TMC6: variants seen among roughly 807,000 people sequenced by gnomAD.
The protein encoded by TMC6 is transmembrane channel like 6.
Under a neutral mutation model 95.4 loss-of-function variants are expected in TMC6, and 71 were observed. The observed-to-expected ratio is 0.74, with a 90% CI of 0.61 to 0.91. The LOEUF is 0.91. Ranked by LOEUF, TMC6 falls within the 40% of genes least tolerant of loss-of-function variation. The probability of loss-of-function intolerance (pLI) is 0.00; values close to 1 mark genes in which losing one functional copy is unlikely to be tolerated. For missense variants in TMC6, 1,074 were observed against 1,079.1 expected (o/e 1.00, Z 0.07); for synonymous variants, 514 against 483.1 (o/e 1.06, Z -0.84).
intron 19 of TMC6, 42 bp from the exon 20 acceptor site, chr17:78,113,253 A>T (rs1247867751): frequency 1.3e-6 from 2 of 1,540,482 alleles, no homozygotes; most frequent in Admixed American, 2.0e-5. Flanking sequence ...CATAAACATC[A>T]ACATCCCTGC....
At position 78,112,642 on chromosome 17, in the gene TMC6, C is replaced by T. The variant is rs1365475867; in HGVS notation, c.*506G>A. 1 of 182,612 alleles carries T rather than the reference C, an allele frequency of 5.5e-6. No individual in the cohort carries two copies. The highest frequency in any genetic ancestry group is 1.2e-5 in the Non-Finnish European group (1 of 85,850). 11.3% of individuals were successfully genotyped at this position (182,612 alleles called of 1,614,324 possible). On this transcript the variant is annotated 3_prime_UTR_variant, in exon 20 of 20. Coordinates refer to ENST00000590602, the MANE Select transcript of TMC6 (RefSeq NM_001127198.5). Reference sequence around the variant, plus strand: ...CTCCAGTAGATGCTACAGCATCACCCAATGGTTGACGCATCGCTCTGGTCA... The same window carrying T: ...CTCCAGTAGATGCTACAGCATCACCTAATGGTTGACGCATCGCTCTGGTCA...
chr17:78,131,472 GC>G, upstream of TMC6: 1 of 1,427,958 alleles, frequency 7.0e-7, no homozygotes, highest in Non-Finnish European at 9.5e-7. Context: ...GGAAGGGCCC[GC>G]CCCCAGCCCA....
Position 78,124,702 on chromosome 17 carries a change from C to T in TMC6, c.713G>A (p.Gly238Glu), listed in dbSNP as rs775291714. Residue 238 changes from glycine (G) to glutamate (E), a missense_variant, in exon 8 of 20, where the codon GGG becomes GAG. By Grantham distance (98) the Gly-to-Glu change is moderately conservative. Coordinates refer to ENST00000590602, the MANE Select transcript of TMC6 (RefSeq NM_001127198.5). ...GAGCACGCTGGAGCCGAACTGGCCC[C>T]CGATGCGCTTCAGGGCGTAGCGCCA... ...MPWRYALKRI[G>E]GQFGSSVLSY... The T allele has an allele frequency of 4.4e-6, 7 of 1,599,666 alleles. No homozygotes were observed. Among genetic ancestry groups the T allele is most frequent in the Non-Finnish European group, 6.0e-6 (7 of 1,173,634 alleles).
At chr17:78,127,423 A>T (rs1239637631) in intron 1 of TMC6, among the ~76,000 whole-genome samples, 1 of 152,144 alleles carries the variant, frequency 6.6e-6, no homozygotes, top group African/African-American at 2.4e-5. Context: ...CCACACACAG[A>T]GGTCACTCCA....
chr17:78,108,435 G>C lies in TMC6; in HGVS notation c.*4713C>G, dbSNP rs1046100339. 6.5e-6 allele frequency: 1 copy of C among 154,846 alleles called. No homozygotes were observed. Among genetic ancestry groups the C allele is most frequent in the Non-Finnish European group, 1.5e-5 (1 of 68,224 alleles). 9.6% of individuals were successfully genotyped at this position (154,846 alleles called of 1,614,324 possible). A position where few individuals can be genotyped will look rare whatever the true frequency, so the allele number is the denominator to read the frequency against. ...TGGAAGCGGCAACCCTCAGCTCTGC[G>C]CGGCCGAGCCTCAGCAAGAGTTCGT... On this transcript the variant is annotated 3_prime_UTR_variant, in exon 20 of 20. Transcript: ENST00000590602.
chr17:78,115,281 T>C (rs1396376531), intron 18 of TMC6, among the ~76,000 whole-genome samples: 2 of 152,174 alleles, frequency 1.3e-5, no homozygotes, highest in Non-Finnish European at 2.9e-5. Context: ...CACCCCGCCC[T>C]GCCCTCGCCT....
chr17:78,112,990 G>A lies in TMC6; in HGVS notation c.*158C>T. 1 of 784,128 alleles carries A rather than the reference G, an allele frequency of 1.3e-6. No homozygotes were observed. Among genetic ancestry groups the A allele is most frequent in the Non-Finnish European group, 2.1e-6 (1 of 477,160 alleles). 48.6% of individuals were successfully genotyped at this position (784,128 alleles called of 1,614,324 possible). On this transcript the variant is annotated 3_prime_UTR_variant, in exon 20 of 20. Transcript: ENST00000590602. The stretch of plus-strand genomic sequence containing the variant: ...GGCAGAGTTCATTGGGGATGCCCAA[G>A]CCGGATTCACCCACCCTTCCAGCTC...
upstream of TMC6, among the ~76,000 whole-genome samples, chr17:78,130,016 G>A (rs573029103): frequency 6.6e-6 from 1 of 152,290 alleles, no homozygotes; most frequent in East Asian, 1.9e-4. Context: ...GAAAAGCTAT[G>A]AACATTCAGA....
intron 18 of TMC6, among the ~76,000 whole-genome samples, chr17:78,115,631 G>A (rs1192255496): frequency 2.0e-5 from 3 of 146,730 alleles, no homozygotes; most frequent in Non-Finnish European, 4.5e-5. Flanking sequence ...GAAGGGAGTG[G>A]GCACAGGGGC....
chr17:78,131,803 T>C (rs931629139), upstream of TMC6: 1 of 1,523,062 alleles, frequency 6.6e-7, no homozygotes, highest in Non-Finnish European at 8.8e-7. Flanking sequence ...CGTCGGATGG[T>C]GTGGGAGCAC....
Position 78,109,275 on chromosome 17 carries a change from T to G in TMC6, c.*3873A>C. 1 of 358,066 alleles carries G rather than the reference T, an allele frequency of 2.8e-6. No individual in the cohort carries two copies. 22.2% of individuals were successfully genotyped at this position (358,066 alleles called of 1,614,324 possible). On this transcript the variant is annotated 3_prime_UTR_variant, in exon 20 of 20. Coordinates refer to ENST00000590602, the MANE Select transcript of TMC6 (RefSeq NM_001127198.5). ...CATCATGGCGAGCCCCGACTGAGTG[T>G]TCAGTGAAGAGGGAAAACAGAGACA...
In TMC6 at chr17:78,125,147, G is replaced by T; in HGVS notation, c.536+11C>A. ...AGCAGCGGCGGCATGGTCAGGGTCG[G>T]GGCTGCTCACCGCAGGCTGCGTTTC... On this transcript the variant is annotated intron_variant, in intron 6 of 19. Transcript: ENST00000590602. The T allele has an allele frequency of 6.4e-7, 1 of 1,556,016 alleles. No individual in the cohort carries two copies.
Position 78,120,845 on chromosome 17 carries a change from G to A in TMC6, c.1536-13C>T, listed in dbSNP as rs371778724. On this transcript the variant is annotated splice_polypyrimidine_tract_variant and intron_variant, in intron 12 of 19. Transcript: ENST00000590602. ...GAGGATGAGGTTCCTGCGGAGGGCG[G>A]GGTGCAAAGGCTGAGGGGCGGGTAC... 29 of 1,611,472 alleles carry A rather than the reference G, an allele frequency of 1.8e-5. No individual in the cohort carries two copies. In the African/African-American group the frequency reaches 3.2e-4, roughly 18 times the overall value.
chr17:78,130,523 G>A (rs1420666180), upstream of TMC6: 7 of 152,398 alleles, frequency 4.6e-5, no homozygotes, highest in Non-Finnish European at 8.8e-5. Context: ...TGGACCCTAG[G>A]GCTGCAGGAG....
In TMC6 at chr17:78,117,750, C is replaced by CA. The variant is rs548290517; in HGVS notation, c.2021+51dup. 4.4e-6 allele frequency: 7 copies of CA among 1,585,620 alleles called. No homozygotes were observed. In the Admixed American group the frequency reaches 1.2e-4, roughly 28 times the overall value. On this transcript the variant is annotated intron_variant, in intron 16 of 19. Coordinates refer to ENST00000590602, the MANE Select transcript of TMC6 (RefSeq NM_001127198.5). The stretch of plus-strand genomic sequence containing the variant: ...AAGCCTTGGGCCCCCCAGGCACCAC[C>CA]ACCCAACCCCCAGATGACACAGAAG...
In TMC6 at chr17:78,122,855, C is replaced by A; in HGVS notation, c.1083-106G>T. 2 of 1,508,612 alleles carry A rather than the reference C, an allele frequency of 1.3e-6. No individual in the cohort carries two copies. The highest frequency in any genetic ancestry group is 1.2e-5 in the South Asian group (1 of 83,144). 93.5% of individuals were successfully genotyped at this position (1,508,612 alleles called of 1,614,324 possible). A position where few individuals can be genotyped will look rare whatever the true frequency, so the allele number is the denominator to read the frequency against. ...GGGCAGCCAGACCCCACCACCCACT[C>A]AGGAGCCATCTGGGCCCTGACTGGG... On this transcript the variant is annotated intron_variant, in intron 9 of 19. Coordinates refer to ENST00000590602, the MANE Select transcript of TMC6 (RefSeq NM_001127198.5). The surrounding 1 kb of genome is among the most constrained non-coding windows in gnomAD (Gnocchi z 4.9).
chr17:78,117,206 G>T, intron 18 of TMC6, 63 bp downstream of exon 18: 1 of 1,549,602 alleles, frequency 6.5e-7, no homozygotes, highest in Non-Finnish European at 8.9e-7. Context: ...GAGTGGAGGG[G>T]AGCGTCACCC....
In TMC6 at chr17:78,124,722, G is replaced by A. The variant is rs1182683882; in HGVS notation, c.693C>T (p.Arg231=). The change falls in exon 8 of 20, where the codon CGC becomes CGT. Residue 231 remains arginine, a synonymous_variant. Transcript: ENST00000590602. ...GGCCCCCGATGCGCTTCAGGGCGTA[G>A]CGCCACGGCATCAGGGCCTGCAGGG... The part of the protein sequence containing the change: ...LSALQALMPW[R]YALKRIGGQF... The A allele has an allele frequency of 3.8e-6, 6 of 1,592,350 alleles. No homozygotes were observed. The South Asian group carries it at 4.5e-5, about 12-fold the overall frequency.
In TMC6 at chr17:78,114,615, A is replaced by G. The variant is rs1318329189; in HGVS notation, c.2278-991T>C. Among the ~76,000 whole-genome samples the G allele has an allele frequency of 2.0e-5, 3 of 148,258 alleles. No individual in the cohort carries two copies. In the East Asian group the frequency reaches 6.1e-4, roughly 30 times the overall value. On this transcript the variant is annotated intron_variant, in intron 18 of 19. Transcript: ENST00000590602. Reference sequence around the variant, plus strand: ...GGATTCCCCGCCCGGAGCTTCACACAGAGAACAGGAGTTCTGTCAAGAGCC... The same window carrying G: ...GGATTCCCCGCCCGGAGCTTCACACGGAGAACAGGAGTTCTGTCAAGAGCC...
Sources: gnomAD v4.1 joint callset for allele counts (sites outside exome capture counted in the v4.1 genomes callset) on GRCh38, gnomAD v4.1.1 for gene constraint, Gnocchi (gnomAD v3.1) non-coding constraint, MANE v1.5 for transcripts, NCBI Gene and HGNC (gene_info 2026-07-23, HGNC 2026-07-21) for gene names.